The following ENTREP2 variants were observed in gnomAD, a reference collection of about 807,000 sequenced individuals.
ENTREP2 encodes endosomal transmembrane epsin interactor 2.
At chr15:29,580,980 T>C in the ENTREP2 span, among the ~76,000 whole-genome samples, 2 of 152,226 alleles carry the variant, frequency 1.3e-5, no homozygotes, top group Admixed American at 6.5e-5. Context: ...CCCTAAGCCA[T>C]GTAAAGATCA....
At chr15:29,315,019 T>C in the ENTREP2 span, among the ~76,000 whole-genome samples, 1 of 152,150 alleles carries the variant, frequency 6.6e-6, no homozygotes, top group Admixed American at 6.5e-5. Context: ...GCCACTGCAC[T>C]CCAGCCTGGT....
At chr15:29,555,667 G>A in the ENTREP2 span, among the ~76,000 whole-genome samples, 2 of 152,084 alleles carry the variant, frequency 1.3e-5, no homozygotes. Flanking sequence ...CCTGCGCCAG[G>A]CAGGCATATG....
At chr15:29,244,402 G>A in the ENTREP2 span, among the ~76,000 whole-genome samples, 3 of 152,228 alleles carry the variant, frequency 2.0e-5, no homozygotes, top group Non-Finnish European at 2.9e-5. Context: ...AAAAATTCCA[G>A]TGTTAGTCAA....
chr15:29,558,355 T>G, the ENTREP2 span, among the ~76,000 whole-genome samples: 1 of 151,886 alleles, frequency 6.6e-6, no homozygotes, highest in African/African-American at 2.4e-5. Flanking sequence ...GCCCACCAGG[T>G]AGGATGAGTG....
the ENTREP2 span, among the ~76,000 whole-genome samples, chr15:29,619,187 T>C: frequency 6.6e-6 from 1 of 152,254 alleles, no homozygotes; most frequent in East Asian, 1.9e-4. Context: ...GGTCAGGAGA[T>C]CAAGACCATC....
the ENTREP2 span, among the ~76,000 whole-genome samples, chr15:29,445,171 C>A: frequency 2.0e-5 from 3 of 152,046 alleles, no homozygotes; most frequent in Non-Finnish European, 2.9e-5. Flanking sequence ...GACGGTGGAG[C>A]CCTCATGAAT....
chr15:29,667,552 C>A, the ENTREP2 span, among the ~76,000 whole-genome samples: 4 of 128,788 alleles, frequency 3.1e-5, no homozygotes, highest in Non-Finnish European at 6.3e-5. Context: ...AGTGCAATGG[C>A]GTGTGGTCTC....
the ENTREP2 span, among the ~76,000 whole-genome samples, chr15:29,138,415 G>A: frequency 6.6e-5 from 10 of 152,282 alleles, no homozygotes; most frequent in African/African-American, 1.7e-4. Context: ...AGTCAATGCC[G>A]CCCTATGAGT....
the ENTREP2 span, among the ~76,000 whole-genome samples, chr15:29,444,201 A>C: frequency 2.8e-4 from 41 of 146,290 alleles, 1 homozygote; most frequent in African/African-American, 3.8e-4. Context: ...AAAGAAAGAA[A>C]GAAAGAAAGA....
chr15:29,400,393 G>T, the ENTREP2 span, among the ~76,000 whole-genome samples: 2 of 152,126 alleles, frequency 1.3e-5, no homozygotes, highest in Admixed American at 6.5e-5. Flanking sequence ...ATCTACTGGG[G>T]AACCTAAAAG....
the ENTREP2 span, among the ~76,000 whole-genome samples, chr15:29,542,526 G>C: frequency 7.9e-3 from 1,188 of 150,474 alleles, 12 homozygotes; most frequent in African/African-American, 0.028. Context: ...GGACTGTCTC[G>C]ATCTCCTGAC....
At chr15:29,305,571 TGAGAGGGAGAGGAA>T in the ENTREP2 span, among the ~76,000 whole-genome samples, 2 of 152,218 alleles carry the variant, frequency 1.3e-5, no homozygotes, top group African/African-American at 4.8e-5. Flanking sequence ...TGCACTTTGC[TGAGAGGGAGAGGAA>T]GAGAGGGAGT....
At chr15:29,393,338 A>G in the ENTREP2 span, among the ~76,000 whole-genome samples, 386 of 151,834 alleles carry the variant, frequency 2.5e-3, 1 homozygote, top group Admixed American at 4.4e-3. Flanking sequence ...TGTGATGCTC[A>G]AGGGCCTCAG....
chr15:29,350,076 T>C, the ENTREP2 span, among the ~76,000 whole-genome samples: 1 of 152,158 alleles, frequency 6.6e-6, no homozygotes, highest in Non-Finnish European at 1.5e-5. Flanking sequence ...ATTATATTGC[T>C]TTCTACTCCT....
the ENTREP2 span, among the ~76,000 whole-genome samples, chr15:29,532,627 G>T: frequency 1.3e-5 from 2 of 152,046 alleles, no homozygotes; most frequent in African/African-American, 4.8e-5. Context: ...TTGATAAATG[G>T]GTTGTCCAAG....
At chr15:29,228,480 A>T in the ENTREP2 span, among the ~76,000 whole-genome samples, 1 of 152,156 alleles carries the variant, frequency 6.6e-6, no homozygotes, top group African/African-American at 2.4e-5. Context: ...GATGGGTATA[A>T]AGTTTCTATT....
chr15:29,489,647 G>A, the ENTREP2 span, among the ~76,000 whole-genome samples: 3 of 152,290 alleles, frequency 2.0e-5, no homozygotes, highest in South Asian at 4.1e-4. Flanking sequence ...CGCACAAAAT[G>A]TCATGTCTCT....
the ENTREP2 span, among the ~76,000 whole-genome samples, chr15:29,655,175 G>T: frequency 6.6e-6 from 1 of 152,192 alleles, no homozygotes; most frequent in Non-Finnish European, 1.5e-5. Flanking sequence ...CATCCCTCCA[G>T]TAGCCTCAGC....
the ENTREP2 span, chr15:29,123,637 G>A: frequency 3.2e-6 from 5 of 1,549,860 alleles, no homozygotes; most frequent in South Asian, 2.4e-5. Flanking sequence ...GGCAGCCGTG[G>A]CAGAGCGAGA....
Sources: gnomAD v4.1 joint callset for allele counts (sites outside exome capture counted in the v4.1 genomes callset) on GRCh38, gnomAD v4.1.1 for gene constraint, MANE v1.5 for transcripts, NCBI Gene and HGNC (gene_info 2026-07-23, HGNC 2026-07-21) for gene names.